The following ADAMTS19 variants were observed in gnomAD, a reference collection of about 807,000 sequenced individuals.
The protein encoded by ADAMTS19 is ADAM metallopeptidase with thrombospondin type 1 motif 19.
A neutral mutation model predicts 153.3 loss-of-function variants in ADAMTS19; 93 were observed. The observed-to-expected ratio is 0.61, with a 90% CI of 0.51 to 0.72. The LOEUF (loss-of-function observed/expected upper bound fraction) is 0.72, where lower values mean the gene tolerates loss of function less well. ADAMTS19 is among the 30% of genes least tolerant of loss of function. The pLI, the probability that ADAMTS19 is intolerant of heterozygous loss-of-function variation, is 0.00. For synonymous variants in ADAMTS19, 600 were observed against 556.6 expected (o/e 1.08, Z -1.10); for missense variants, 1,482 against 1,552.1 (o/e 0.95, Z 0.76).
intron 19 of ADAMTS19, 39 bp from the exon 20 acceptor site, chr5:129,701,349 C>G: frequency 6.2e-7 from 1 of 1,609,130 alleles, no homozygotes; most frequent in Non-Finnish European, 8.5e-7. Context: ...AGATAGGTAT[C>G]TTTTAACTTG....
At chr5:129,485,184 A>G (rs1210785734) in intron 2 of ADAMTS19, among the ~76,000 whole-genome samples, 1 of 152,184 alleles carries the variant, frequency 6.6e-6, no homozygotes, top group African/African-American at 2.4e-5. Flanking sequence ...TTTAATGGAA[A>G]TGAATCACAA....
chr5:129,596,463 C>G (rs1254528867), intron 7 of ADAMTS19, 96 bp from the exon 8 acceptor site: 3 of 821,086 alleles, frequency 3.7e-6, no homozygotes, highest in Non-Finnish European at 5.7e-6. Flanking sequence ...ACATTTTAGT[C>G]GTGACAACTG....
intron 8 of ADAMTS19, among the ~76,000 whole-genome samples, chr5:129,601,692 T>C: frequency 6.6e-6 from 1 of 152,186 alleles, no homozygotes; most frequent in Non-Finnish European, 1.5e-5. Context: ...CCAATGGAGT[T>C]GTGCAGACAG....
At chr5:129,666,244 G>A (rs1221331781) in intron 16 of ADAMTS19, among the ~76,000 whole-genome samples, 5 of 151,596 alleles carry the variant, frequency 3.3e-5, no homozygotes, top group Admixed American at 3.3e-4. Flanking sequence ...CAAAATATAC[G>A]TGCTCATATG....
intron 2 of ADAMTS19, among the ~76,000 whole-genome samples, chr5:129,497,334 A>G (rs1750956929): frequency 6.6e-6 from 1 of 151,728 alleles, no homozygotes; most frequent in Non-Finnish European, 1.5e-5. Context: ...TCAGGGATTG[A>G]TCTTAGGCCC....
intron 7 of ADAMTS19, among the ~76,000 whole-genome samples, chr5:129,555,280 A>T (rs1441529383): frequency 6.6e-6 from 1 of 152,120 alleles, no homozygotes; most frequent in Non-Finnish European, 1.5e-5. Context: ...TATATTATTA[A>T]TGTGAGTTAT....
At chr5:129,681,806 G>A (rs1754827853) in intron 17 of ADAMTS19, among the ~76,000 whole-genome samples, 2 of 152,018 alleles carry the variant, frequency 1.3e-5, no homozygotes, top group Admixed American at 1.3e-4. Flanking sequence ...TTTAATTTCA[G>A]CTGGAAACCC....
chr5:129,610,657 T>G (rs533399517), intron 8 of ADAMTS19, among the ~76,000 whole-genome samples: 2 of 152,316 alleles, frequency 1.3e-5, no homozygotes, highest in Admixed American at 6.5e-5. Flanking sequence ...CCATGGTGTA[T>G]ATGTGCCACA....
intron 7 of ADAMTS19, among the ~76,000 whole-genome samples, chr5:129,578,888 G>T (rs571754210): frequency 2.6e-5 from 4 of 152,220 alleles, no homozygotes; most frequent in African/African-American, 7.2e-5. Flanking sequence ...TGTGAACAGT[G>T]CTGCAATATA....
At chr5:129,704,565 G>A (rs946702380) in intron 21 of ADAMTS19, among the ~76,000 whole-genome samples, 174 bp downstream of exon 21, 1 of 152,014 alleles carries the variant, frequency 6.6e-6, no homozygotes, top group African/African-American at 2.4e-5. Flanking sequence ...ATAAAACTGT[G>A]TTAAAAATGA....
intron 13 of ADAMTS19, among the ~76,000 whole-genome samples, chr5:129,649,237 A>T (rs943288020): frequency 6.6e-6 from 1 of 152,202 alleles, no homozygotes; most frequent in African/African-American, 2.4e-5. Context: ...GAGAAACTGG[A>T]TCTCTCAGGC....
chr5:129,509,269 T>C (rs1380163696), intron 3 of ADAMTS19, 27 bp downstream of exon 3: 2 of 1,596,486 alleles, frequency 1.3e-6, no homozygotes, highest in Non-Finnish European at 1.7e-6. Context: ...GAAAGAGTTT[T>C]AAGTAAATAT....
rs1226164009 is a variant in ADAMTS19, at chr5:129,702,959, TATATATATATATACAAATAC to T, written c.3160-1269_3160-1250del. ...AAAAAAAAATATATATATATATATATATATATATATATACAAATACATATATATATGTATTAAAGGGCCAA... is the reference window on the plus strand; with the variant it reads ...AAAAAAAAATATATATATATATATATATATATATATGTATTAAAGGGCCAA... On this transcript the variant is annotated intron_variant, in intron 20 of 22. Coordinates refer to ENST00000274487, the MANE Select transcript of ADAMTS19 (RefSeq NM_133638.6). 4.4e-3 allele frequency among the ~76,000 whole-genome samples: 575 copies of T among 131,210 alleles called. 9 individuals carry two copies. Among genetic ancestry groups the T allele is most frequent in the East Asian group, 0.024 (110 of 4,490 alleles). 86.1% of individuals were successfully genotyped at this position (131,210 alleles called of 152,430 possible).
At chr5:129,727,444 A>C (rs927376238) in intron 21 of ADAMTS19, among the ~76,000 whole-genome samples, 2 of 152,210 alleles carry the variant, frequency 1.3e-5, no homozygotes, top group African/African-American at 4.8e-5. Flanking sequence ...AAATTCATTA[A>C]TGTTTAATTT....
At chr5:129,591,162 T>C (rs1277934838) in intron 7 of ADAMTS19, among the ~76,000 whole-genome samples, 1 of 152,218 alleles carries the variant, frequency 6.6e-6, no homozygotes, top group African/African-American at 2.4e-5. Flanking sequence ...CACCAAGTTG[T>C]TGCCCTCTCT....
chr5:129,505,316 G>A (rs1161859454), intron 2 of ADAMTS19, among the ~76,000 whole-genome samples: 2 of 152,090 alleles, frequency 1.3e-5, no homozygotes, highest in African/African-American at 4.8e-5. Context: ...TAGTTGAAGC[G>A]AAATAGTCAT....
At chr5:129,664,666 G>T (rs772482239) in intron 15 of ADAMTS19, among the ~76,000 whole-genome samples, 1 of 151,990 alleles carries the variant, frequency 6.6e-6, no homozygotes, top group Non-Finnish European at 1.5e-5. Context: ...AGCTTAGAAG[G>T]TAGACTTTTA....
rs1247479096 is a variant in ADAMTS19, at chr5:129,636,261, G to GT, written c.1771-5592dup. 1.7e-4 allele frequency among the ~76,000 whole-genome samples: 26 copies of GT among 152,238 alleles called. 1 individual carries two copies. The highest frequency in any genetic ancestry group is 1.0e-3 in the South Asian group (5 of 4,824). ...CACTCTCCAGAGACTTCAGGAAGTT[G>GT]TTTTTTGTATTCTGTTCACAGTTTA... On this transcript the variant is annotated intron_variant, in intron 10 of 22. Coordinates refer to ENST00000274487, the MANE Select transcript of ADAMTS19 (RefSeq NM_133638.6).
intron 7 of ADAMTS19, among the ~76,000 whole-genome samples, chr5:129,585,322 G>T (rs1749727965): frequency 6.6e-6 from 1 of 151,802 alleles, no homozygotes; most frequent in South Asian, 2.1e-4. Context: ...GGGAGCTGCA[G>T]ACCGGAGCTG....
Sources: gnomAD v4.1 joint callset for allele counts (sites outside exome capture counted in the v4.1 genomes callset) on GRCh38, gnomAD v4.1.1 for gene constraint, MANE v1.5 for transcripts, NCBI Gene and HGNC (gene_info 2026-07-23, HGNC 2026-07-21) for gene names.